The following QKI variants were observed in gnomAD, a reference collection of about 807,000 sequenced individuals.
QKI encodes QKI, KH domain containing RNA binding.
In QKI, 10 loss-of-function variants were observed where a neutral mutation model predicts 39.0. That is an observed-to-expected ratio of 0.26 (90% CI 0.16 to 0.43). The LOEUF (loss-of-function observed/expected upper bound fraction) is 0.43, where lower values mean the gene tolerates loss of function less well. QKI is among the 20% of genes least tolerant of loss of function. The pLI is 1.00. For missense variants in QKI, 218 were observed against 428.0 expected (o/e 0.51, Z 4.33); for synonymous variants, 204 against 155.4 (o/e 1.31, Z -2.33).
intron 3 of QKI, among the ~76,000 whole-genome samples, chr6:163,496,758 T>C (rs1434402893): frequency 6.6e-5 from 10 of 152,156 alleles, no homozygotes; most frequent in Admixed American, 6.6e-4. Flanking sequence ...CTGCCTGGAA[T>C]ACTCTGCCCT....
chr6:163,445,346 G>C (rs1222450419), intron 1 of QKI, among the ~76,000 whole-genome samples: 3 of 151,988 alleles, frequency 2.0e-5, no homozygotes, highest in Non-Finnish European at 4.4e-5. Flanking sequence ...TTCTGGTCCA[G>C]GTTTTCCTAC....
chr6:163,554,112 C>G (rs1466151113), intron 4 of QKI, among the ~76,000 whole-genome samples: 3 of 152,134 alleles, frequency 2.0e-5, no homozygotes, highest in Non-Finnish European at 4.4e-5. Flanking sequence ...ACTTCAAGAA[C>G]CTCAGGAGCT....
rs1783983022 is a variant in QKI at position 163,576,531 on chromosome 6, G to A, written c.*5821G>A. 6.7e-6 allele frequency: 1 copy of A among 149,598 alleles called. No individual in the cohort carries two copies. The highest frequency in any genetic ancestry group is 6.6e-5 in the Admixed American group (1 of 15,170). 9.3% of individuals were successfully genotyped at this position (149,598 alleles called of 1,614,324 possible). A position where few individuals can be genotyped will look rare whatever the true frequency, so the allele number is the denominator to read the frequency against. ...AAATATATCTTTTATGGTTTATATT[G>A]TAGTGGTATGTATGAAACATTTAAA... On this transcript the variant is annotated 3_prime_UTR_variant, in exon 8 of 8. Transcript: ENST00000361752.
intron 4 of QKI, among the ~76,000 whole-genome samples, chr6:163,545,390 A>G (rs73246647): frequency 0.02 from 3,084 of 152,220 alleles, 100 homozygotes; most frequent in African/African-American, 0.07. Context: ...GTGACATTCC[A>G]TACAGACAGA....
intron 4 of QKI, among the ~76,000 whole-genome samples, chr6:163,552,097 TTACAA>T (rs1782264691): frequency 3.9e-5 from 6 of 152,046 alleles, no homozygotes; most frequent in African/African-American, 1.5e-4. Flanking sequence ...TACTGTATTC[TTACAA>T]TAAAATAAGC....
In QKI at chr6:163,505,259, T is replaced by C. The variant is rs529476446; in HGVS notation, c.402+26363T>C. Among the ~76,000 whole-genome samples the C allele has an allele frequency of 2.6e-4, 39 of 152,292 alleles. 1 individual carries two copies. Among genetic ancestry groups the C allele is most frequent in the African/African-American group, 9.1e-4 (38 of 41,570 alleles). On this transcript the variant is annotated intron_variant, in intron 3 of 7. Transcript: ENST00000361752. ...TCATGGAGAACCTCTGCTACGGCAG[T>C]GCAGAAGGGAAATGTGAGGTTGGAA...
chr6:163,499,967 A>G (rs984714052), intron 3 of QKI, among the ~76,000 whole-genome samples: 4 of 152,292 alleles, frequency 2.6e-5, no homozygotes, highest in East Asian at 3.9e-4. Flanking sequence ...AGGAGGGCCA[A>G]TGAAGGACTC....
chr6:163,437,172 C>T (rs961166253), intron 1 of QKI, among the ~76,000 whole-genome samples: 8 of 152,134 alleles, frequency 5.3e-5, no homozygotes, highest in African/African-American at 1.7e-4. Context: ...TCTCCTGATC[C>T]AGGAAAGCTT....
intron 3 of QKI, among the ~76,000 whole-genome samples, chr6:163,518,595 T>C (rs1779969934): frequency 6.6e-6 from 1 of 152,180 alleles, no homozygotes; most frequent in Non-Finnish European, 1.5e-5. Flanking sequence ...TTTTGTACCT[T>C]TTTGTGAAGA....
chr6:163,526,947 G>A (rs532731979), intron 3 of QKI, among the ~76,000 whole-genome samples: 106 of 152,268 alleles, frequency 7.0e-4, no homozygotes, highest in Admixed American at 1.1e-3. Context: ...TAAGTACTGT[G>A]TCTGTAGGAG....
intron 3 of QKI, among the ~76,000 whole-genome samples, chr6:163,483,131 A>G (rs1216696759): frequency 6.6e-6 from 1 of 152,238 alleles, no homozygotes; most frequent in South Asian, 2.1e-4. Flanking sequence ...ATACCATACT[A>G]TAGTCTATTA....
At chr6:163,530,976 T>C (rs1016982286) in intron 3 of QKI, among the ~76,000 whole-genome samples, 1 of 152,156 alleles carries the variant, frequency 6.6e-6, no homozygotes, top group Non-Finnish European at 1.5e-5. Context: ...CATTTCAGTT[T>C]CTGAACCTCT....
intron 7 of QKI, chr6:163,568,643 AAAT>A: frequency 1.0e-6 from 1 of 976,310 alleles, no homozygotes; most frequent in Non-Finnish European, 1.2e-6. Flanking sequence ...TATTTTAAAA[AAAT>A]ATTTTGAAGA....
At chr6:163,424,024 C>G (rs1343676853) in intron 1 of QKI, among the ~76,000 whole-genome samples, 3 of 152,134 alleles carry the variant, frequency 2.0e-5, no homozygotes. Context: ...CGGTGCTGCA[C>G]CAGATAGCCA....
intron 7 of QKI, 57 bp from the exon 8 acceptor site, chr6:163,570,637 T>G: frequency 6.2e-7 from 1 of 1,603,552 alleles, no homozygotes; most frequent in Non-Finnish European, 8.5e-7. Context: ...ACTAATCTCT[T>G]CTCTATCTTT....
chr6:163,505,993 G>C (rs988199510), intron 3 of QKI, among the ~76,000 whole-genome samples: 8 of 152,086 alleles, frequency 5.3e-5, no homozygotes, highest in Admixed American at 6.5e-5. Flanking sequence ...TCCCCATGCT[G>C]TTCTCGTGAT....
intron 4 of QKI, among the ~76,000 whole-genome samples, chr6:163,558,293 C>T (rs138269293): frequency 1.6e-4 from 25 of 152,180 alleles, no homozygotes; most frequent in African/African-American, 5.3e-4. Context: ...TAGGCAGGTA[C>T]GTACTACCAA....
chr6:163,432,453 G>A (rs1788908608), intron 1 of QKI, among the ~76,000 whole-genome samples: 1 of 151,210 alleles, frequency 6.6e-6, no homozygotes, highest in Non-Finnish European at 1.5e-5. Flanking sequence ...GAGGGCAGTG[G>A]TGCTATCATA....
At chr6:163,554,179 C>G (rs762674896) in intron 4 of QKI, among the ~76,000 whole-genome samples, 2 of 152,108 alleles carry the variant, frequency 1.3e-5, no homozygotes, top group South Asian at 2.1e-4. Flanking sequence ...AGGGGCTGCA[C>G]GATGAGACTG....
Sources: allele counts gnomAD v4.1 joint callset (sites outside exome capture counted in the v4.1 genomes callset), GRCh38; gene constraint gnomAD v4.1.1; transcripts MANE v1.5; gene names NCBI Gene and HGNC (gene_info 2026-07-23, HGNC 2026-07-21).